AIMP1: variants seen among roughly 807,000 people sequenced by gnomAD.
AIMP1 encodes the protein aminoacyl tRNA synthase complex-interacting multifunctional protein 1.
A neutral mutation model predicts 33.1 loss-of-function variants in AIMP1; 24 were observed. That is an observed-to-expected ratio of 0.73 (90% CI 0.53 to 1.02). The LOEUF (loss-of-function observed/expected upper bound fraction) is 1.02, where lower values mean the gene tolerates loss of function less well. AIMP1 is among the 50% of genes least tolerant of loss of function. The probability of loss-of-function intolerance (pLI) is 0.00; values close to 1 mark genes in which losing one functional copy is unlikely to be tolerated. For synonymous variants in AIMP1, 120 were observed against 121.5 expected, an observed-to-expected ratio of 0.99 and a Z score of 0.08; for missense variants, 367 against 364.8, an observed-to-expected ratio of 1.01 and a Z score of -0.05.
intron 1 of AIMP1, among the ~76,000 whole-genome samples, chr4:106,318,613 T>TG (rs1311002477): frequency 6.6e-6 from 1 of 152,224 alleles, no homozygotes; most frequent in East Asian, 1.9e-4. Flanking sequence ...TTTAAGTTGT[T>TG]GACATCTTTA....
At chr4:106,344,870 T>C (rs977019747) in intron 6 of AIMP1, among the ~76,000 whole-genome samples, 3 of 152,220 alleles carry the variant, frequency 2.0e-5, no homozygotes, top group Non-Finnish European at 4.4e-5. Context: ...TTTTAGTTGG[T>C]ATTTTTCTTA....
At position 106,347,555 on chromosome 4, in the gene AIMP1, A is replaced by G. The variant is rs1418010087; in HGVS notation, c.802A>G (p.Lys268Glu). The G allele has an allele frequency of 1.2e-6, 2 of 1,613,230 alleles. No homozygotes were observed. The highest frequency in any genetic ancestry group is 8.5e-7 in the Non-Finnish European group (1 of 1,179,536). The part of the protein sequence containing the change: ...GEPDKELNPK[K>E]KIWEQIQPDL... ...GCCTGACAAGGAGCTGAATCCTAAG[A>G]AGAAGATTTGGGAGCAGATCCAGCC... The change falls in exon 7 of 7, where the codon AAG (lysine) becomes GAG (glutamate). Residue 268 changes from lysine to glutamate, a missense_variant. Coordinates refer to ENST00000672341, the MANE Select transcript of AIMP1 (RefSeq NM_001142416.2).
intron 1 of AIMP1, among the ~76,000 whole-genome samples, chr4:106,320,774 G>A (rs928260394): frequency 1.3e-5 from 2 of 151,930 alleles, no homozygotes; most frequent in Non-Finnish European, 2.9e-5. Context: ...CTCCCTCTCC[G>A]CACCGTCTCC....
At chr4:106,345,716 A>G (rs1377982105) in intron 6 of AIMP1, among the ~76,000 whole-genome samples, 5 of 151,916 alleles carry the variant, frequency 3.3e-5, no homozygotes, top group African/African-American at 9.6e-5. Context: ...TTGCAGTTTC[A>G]TAGTTTCTGA....
Position 106,331,767 on chromosome 4 carries a change from A to G in AIMP1, c.487A>G (p.Ile163Val). ...SRLDLRIGCI[I>V]TARKHPDADS... is the part of the protein sequence containing the mutation. ...TCTGGATCTTCGAATTGGTTGCATC[A>G]TAACTGCTAGAAAACACCCTGATGC... The change falls in exon 5 of 7, where the codon ATA (isoleucine) becomes GTA (valine). Residue 163 changes from isoleucine (I) to valine (V), a missense_variant. Transcript: ENST00000672341. 7 of 1,614,166 alleles carry G rather than the reference A, an allele frequency of 4.3e-6. No individual in the cohort carries two copies. The highest frequency in any genetic ancestry group is 5.9e-6 in the Non-Finnish European group (7 of 1,180,004).
rs746037211 is a variant in AIMP1, at chr4:106,331,797, T to A, written c.517T>A (p.Ser173Thr). ...TGCTAGAAAACACCCTGATGCAGAT[T>A]CTTTGTATGTGGAAGAAGTAGATGT... ...ITARKHPDAD[S>T]LYVEEVDVGE... Residue 173 changes from serine (S) to threonine (T), a missense_variant, in exon 5 of 7, where the codon TCT becomes ACT. Physicochemically the swap from Ser to Thr is moderately conservative, Grantham distance 58. Transcript: ENST00000672341. 6.2e-7 allele frequency: 1 copy of A among 1,614,138 alleles called. No individual in the cohort carries two copies. Among genetic ancestry groups the A allele is most frequent in the Non-Finnish European group, 8.5e-7 (1 of 1,180,002 alleles).
chr4:106,324,978 C>A lies in AIMP1; in HGVS notation c.-25-7C>A. ...AGTGTAATTTATCACTTTTATTTTT[C>A]CTATAGGATTTTCTGCCGTCTCTTG... On this transcript the variant is annotated splice_region_variant and splice_polypyrimidine_tract_variant and intron_variant, in intron 1 of 6. Transcript: ENST00000672341. 1 of 1,586,134 alleles carries A rather than the reference C, an allele frequency of 6.3e-7. No individual in the cohort carries two copies. Among genetic ancestry groups the A allele is most frequent in the Admixed American group, 1.8e-5 (1 of 56,854 alleles).
intron 4 of AIMP1, among the ~76,000 whole-genome samples, chr4:106,329,770 A>ATATTTT (rs1769597727): frequency 1.1e-5 from 1 of 88,334 alleles, no homozygotes; most frequent in Admixed American, 1.4e-4. Flanking sequence ...ACTGCTACAT[A>ATATTTT]TCTTTTTTTT....
chr4:106,341,716 G>A (rs1053080890), intron 6 of AIMP1, among the ~76,000 whole-genome samples: 1 of 152,064 alleles, frequency 6.6e-6, no homozygotes, highest in African/African-American at 2.4e-5. Context: ...TTGAAGTTGG[G>A]TAGTGTGATG....
rs1438896600 is a variant in AIMP1, at chr4:106,328,061, C to T, written c.224-15C>T. 14 of 1,608,834 alleles carry T rather than the reference C, an allele frequency of 8.7e-6. No homozygotes were observed. The highest frequency in any genetic ancestry group is 1.7e-5 in the Admixed American group (1 of 59,900). Reference sequence around the variant, plus strand: ...TGGTTTAATATGAATGACATTATTTCATTTTCTGTCTCAGTGAAGCAAATA... The same window carrying T: ...TGGTTTAATATGAATGACATTATTTTATTTTCTGTCTCAGTGAAGCAAATA... On this transcript the variant is annotated splice_polypyrimidine_tract_variant and intron_variant, in intron 3 of 6. Transcript: ENST00000672341.
intron 5 of AIMP1, among the ~76,000 whole-genome samples, chr4:106,336,178 A>C (rs577373507): frequency 1.1e-4 from 17 of 150,308 alleles, no homozygotes; most frequent in Non-Finnish European, 2.5e-4. Flanking sequence ...GACTATAGCC[A>C]CATGCCACCA....
chr4:106,325,115 G>A lies in AIMP1; in HGVS notation c.106G>A (p.Ala36Thr). The change falls in exon 2 of 7, where the codon GCA becomes ACA. Residue 36 changes from alanine (A) to threonine (T), a missense_variant. Ala to Thr is a moderately conservative substitution (Grantham distance 58). Coordinates refer to ENST00000672341, the MANE Select transcript of AIMP1 (RefSeq NM_001142416.2). ...KQQVSLLKEK[A>T]ILQATLREEK... is the part of the protein sequence containing the mutation. ...GCAAGTTTCTCTACTTAAGGAGAAA[G>A]CAAGTAAGAAAATTTAAAATTTTTT... The A allele has an allele frequency of 6.2e-7, 1 of 1,610,320 alleles. No homozygotes were observed. Among genetic ancestry groups the A allele is most frequent in the Non-Finnish European group, 8.5e-7 (1 of 1,177,906 alleles).
At chr4:106,325,807 A>G (rs1400280335) in intron 2 of AIMP1, among the ~76,000 whole-genome samples, 2 of 152,142 alleles carry the variant, frequency 1.3e-5, no homozygotes, top group Non-Finnish European at 2.9e-5. Flanking sequence ...AATATTTCCT[A>G]GAAAAATAAC....
chr4:106,337,596 T>C (rs1209956111), intron 6 of AIMP1, among the ~76,000 whole-genome samples: 1 of 152,218 alleles, frequency 6.6e-6, no homozygotes, highest in African/African-American at 2.4e-5. Context: ...GAGTATATCT[T>C]TATTAGCAGC....
chr4:106,340,431 C>T (rs752049723), intron 6 of AIMP1, among the ~76,000 whole-genome samples: 48 of 152,038 alleles, frequency 3.2e-4, no homozygotes, highest in Non-Finnish European at 6.6e-4. Flanking sequence ...AACCCTCACC[C>T]CACTCCCGAC....
chr4:106,347,651 G>A lies in AIMP1; in HGVS notation c.898G>A (p.Val300Ile), dbSNP rs1315644844. Residue 300 changes from valine to isoleucine, a missense_variant, in exon 7 of 7, where the codon GTA becomes ATA. Val to Ile is a conservative substitution (Grantham distance 29, BLOSUM62 3). Transcript: ENST00000672341. ...GVPFEVKGKG[V>I]CRAQTMSNSG... The stretch of plus-strand genomic sequence containing the variant: ...TCCCTTTGAGGTGAAAGGGAAGGGA[G>A]TATGTAGGGCTCAAACCATGAGCAA... 12 of 1,613,210 alleles carry A rather than the reference G, an allele frequency of 7.4e-6. No homozygotes were observed. The highest frequency in any genetic ancestry group is 8.5e-6 in the Non-Finnish European group (10 of 1,179,636).
intron 1 of AIMP1, among the ~76,000 whole-genome samples, chr4:106,317,021 T>C (rs993876419): frequency 6.6e-6 from 1 of 152,228 alleles, no homozygotes; most frequent in Non-Finnish European, 1.5e-5. Context: ...AATCTGTGTC[T>C]ACTTGTAGCT....
At chr4:106,327,861 G>A (rs1464807118) in intron 3 of AIMP1, among the ~76,000 whole-genome samples, 1 of 152,122 alleles carries the variant, frequency 6.6e-6, no homozygotes, top group African/African-American at 2.4e-5. Flanking sequence ...TTGATTAAAT[G>A]GGAATCATGC....
At chr4:106,342,908 T>C (rs1174635434) in intron 6 of AIMP1, among the ~76,000 whole-genome samples, 1 of 150,428 alleles carries the variant, frequency 6.6e-6, no homozygotes, top group Admixed American at 6.6e-5. Flanking sequence ...TCCAGGGCTT[T>C]TTTTTTTTTT....
Sources: gnomAD v4.1 joint callset for allele counts (sites outside exome capture counted in the v4.1 genomes callset) on GRCh38, gnomAD v4.1.1 for gene constraint, MANE v1.5 for transcripts, NCBI Gene and HGNC (gene_info 2026-07-23, HGNC 2026-07-21) for gene names.